The following NKAIN3 variants were observed in gnomAD, a reference collection of about 807,000 sequenced individuals.
NKAIN3 encodes sodium/potassium transporting ATPase interacting 3, also known as sodium/potassium-transporting ATPase subunit beta-1-interacting protein 3.
A neutral mutation model predicts 30.2 loss-of-function variants in NKAIN3; 25 were observed. That is an observed-to-expected ratio of 0.83 (90% CI 0.60 to 1.16). The LOEUF is 1.16. Ranked by LOEUF, NKAIN3 falls within the 50% of genes most tolerant of loss-of-function variation. The probability of loss-of-function intolerance (pLI) is 0.00; values close to 1 mark genes in which losing one functional copy is unlikely to be tolerated. For synonymous variants in NKAIN3, 91 were observed against 89.6 expected (o/e 1.02, Z -0.09); for missense variants, 225 against 254.1 (o/e 0.89, Z 0.78).
At chr8:62,817,203 G>A (rs1253693987) in intron 4 of NKAIN3, among the ~76,000 whole-genome samples, 2 of 152,136 alleles carry the variant, frequency 1.3e-5, no homozygotes, top group African/African-American at 4.8e-5. Context: ...GAGGAGGTGA[G>A]TGCTGCATGC....
intron 1 of NKAIN3, among the ~76,000 whole-genome samples, chr8:62,253,363 T>C (rs532584874): frequency 6.6e-6 from 1 of 152,010 alleles, no homozygotes; most frequent in Non-Finnish European, 1.5e-5. Flanking sequence ...ATTGCTTGAG[T>C]CCAGGAGTTC....
chr8:62,878,039 TC>T (rs1335176584), intron 4 of NKAIN3, among the ~76,000 whole-genome samples: 24 of 28,012 alleles, frequency 8.6e-4, no homozygotes, highest in Admixed American at 1.6e-3. Context: ...AAACTCCATC[TC>T]AAAAAAAAAA....
chr8:62,446,466 C>T (rs1285503429), intron 1 of NKAIN3, among the ~76,000 whole-genome samples: 1 of 152,002 alleles, frequency 6.6e-6, no homozygotes, highest in Non-Finnish European at 1.5e-5. Flanking sequence ...GCAAAATATG[C>T]ATAACCTACA....
intron 1 of NKAIN3, among the ~76,000 whole-genome samples, chr8:62,345,405 A>T (rs1430024447): frequency 1.5e-5 from 2 of 131,674 alleles, no homozygotes; most frequent in Non-Finnish European, 3.3e-5. Flanking sequence ...ATATACACAT[A>T]TATGTATATA....
chr8:62,939,150 G>T (rs1039390143), intron 5 of NKAIN3, among the ~76,000 whole-genome samples: 74 of 152,126 alleles, frequency 4.9e-4, no homozygotes, highest in African/African-American at 1.7e-3. Flanking sequence ...GTAGAAGAAA[G>T]AACTTCAGAG....
At chr8:62,809,241 G>T (rs1349090962) in intron 4 of NKAIN3, among the ~76,000 whole-genome samples, 1 of 152,066 alleles carries the variant, frequency 6.6e-6, no homozygotes, top group Non-Finnish European at 1.5e-5. Context: ...CAAACAATTT[G>T]TGCAGTTAAG....
At chr8:62,483,576 T>C (rs1305361177) in intron 1 of NKAIN3, 1 of 173,856 alleles carries the variant, frequency 5.8e-6, no homozygotes, top group Non-Finnish European at 1.2e-5. Context: ...TTCTAGTCGA[T>C]GTTCGGGTGA....
rs199778037 is a variant in NKAIN3, at chr8:62,815,597, T to A, written c.471+68468T>A. Among the ~76,000 whole-genome samples the A allele has an allele frequency of 3.7e-4, 57 of 152,232 alleles. No individual in the cohort carries two copies. In the East Asian group the frequency reaches 9.1e-3, roughly 24 times the overall value. ...AAATCAATAAATGTAATCCAGCATA[T>A]AAACAGAACCAAAGACAAAAACCAC... On this transcript the variant is annotated intron_variant, in intron 4 of 6. Coordinates refer to ENST00000623646, the MANE Select transcript of NKAIN3 (RefSeq NM_001304533.3).
intron 1 of NKAIN3, among the ~76,000 whole-genome samples, chr8:62,417,673 G>A (rs34109636): frequency 0.41 from 62,635 of 152,038 alleles, 15,051 homozygotes; most frequent in Non-Finnish European, 0.53. Context: ...TTTAACTGGG[G>A]AGAGATGATA....
chr8:62,595,994 G>A (rs1272885257), intron 3 of NKAIN3, among the ~76,000 whole-genome samples: 1 of 152,038 alleles, frequency 6.6e-6, no homozygotes, highest in Non-Finnish European at 1.5e-5. Flanking sequence ...CTGCAGTGCA[G>A]GGGATTACTT....
chr8:62,831,141 T>A (rs549807686), intron 4 of NKAIN3, among the ~76,000 whole-genome samples: 1 of 152,034 alleles, frequency 6.6e-6, no homozygotes, highest in Non-Finnish European at 1.5e-5. Context: ...GCTGACAGAA[T>A]TGCGTAGAAG....
At chr8:62,372,234 T>TCA (rs1312302247) in intron 1 of NKAIN3, among the ~76,000 whole-genome samples, 1 of 151,970 alleles carries the variant, frequency 6.6e-6, no homozygotes, top group Admixed American at 6.5e-5. Context: ...ATGTTTTAGG[T>TCA]CACACACACA....
chr8:62,587,625 G>C (rs1810518395), intron 2 of NKAIN3, among the ~76,000 whole-genome samples: 1 of 152,010 alleles, frequency 6.6e-6, no homozygotes, highest in Non-Finnish European at 1.5e-5. Context: ...AAACTATCAG[G>C]TGTCAAATCC....
At position 62,306,286 on chromosome 8, in the gene NKAIN3, A is replaced by G. The variant is rs142600615; in HGVS notation, c.54+57159A>G. 9.5e-3 allele frequency among the ~76,000 whole-genome samples: 1,423 copies of G among 149,540 alleles called. 132 individuals are homozygous for G. The highest frequency in any genetic ancestry group is 0.034 in the African/African-American group (1,336 of 39,368). On this transcript the variant is annotated intron_variant, in intron 1 of 6. Coordinates refer to ENST00000623646, the MANE Select transcript of NKAIN3 (RefSeq NM_001304533.3). ...TTGTCAAGGAGTTCTTGAAAGGAGG[A>G]CTCTCTTGCTTTTTACTGTACATGG...
rs1247695912 is a variant in NKAIN3, at chr8:62,966,397, A to G, written c.*990A>G. Reference sequence around the variant, plus strand: ...GAAGCAATTATCTGTGGAAAAAAGGACTGTCTTGAAAACGCATCACAGTTG... The same window carrying G: ...GAAGCAATTATCTGTGGAAAAAAGGGCTGTCTTGAAAACGCATCACAGTTG... On this transcript the variant is annotated 3_prime_UTR_variant, in exon 7 of 7. Coordinates refer to ENST00000623646, the MANE Select transcript of NKAIN3 (RefSeq NM_001304533.3). 10 of 984,932 alleles carry G rather than the reference A, an allele frequency of 1.0e-5. No homozygotes were observed. The highest frequency in any genetic ancestry group is 1.7e-5 in the African/African-American group (1 of 57,228). The allele number at this position is 984,932 out of a possible 1,614,324, so 61.0% of individuals were successfully genotyped here. A position where few individuals can be genotyped will look rare whatever the true frequency, so the allele number is the denominator to read the frequency against.
intron 2 of NKAIN3, 37 bp from the exon 3 acceptor site, chr8:62,589,677 T>A (rs775754266): frequency 1.1e-6 from 1 of 950,034 alleles, no homozygotes; most frequent in South Asian, 1.5e-5. Flanking sequence ...CATCTCCATA[T>A]TTTTCTTCTC....
At chr8:62,642,482 G>T (rs1244431676) in intron 3 of NKAIN3, among the ~76,000 whole-genome samples, 1 of 152,038 alleles carries the variant, frequency 6.6e-6, no homozygotes, top group East Asian at 1.9e-4. Flanking sequence ...ACCTCTGACT[G>T]CCAGGTTCTC....
chr8:62,618,877 G>T (rs1811541942), intron 3 of NKAIN3, among the ~76,000 whole-genome samples: 2 of 152,076 alleles, frequency 1.3e-5, no homozygotes, highest in Admixed American at 6.6e-5. Flanking sequence ...CGGCACCCCA[G>T]CCTGGGCGAC....
intron 1 of NKAIN3, among the ~76,000 whole-genome samples, chr8:62,348,645 A>G (rs1329208755): frequency 1.3e-5 from 2 of 152,248 alleles, no homozygotes; most frequent in East Asian, 3.9e-4. Flanking sequence ...AGCAGTTCTC[A>G]TCTGGAGTAA....
Sources: gnomAD v4.1 joint callset for allele counts (sites outside exome capture counted in the v4.1 genomes callset) on GRCh38, gnomAD v4.1.1 for gene constraint, MANE v1.5 for transcripts, NCBI Gene and HGNC (gene_info 2026-07-23, HGNC 2026-07-21) for gene names.